ENAH: variants seen among roughly 807,000 people sequenced by gnomAD.
The protein encoded by ENAH is ENAH actin regulator, also known as protein enabled homolog.
Under a neutral mutation model 78.7 loss-of-function variants are expected in ENAH, and 23 were observed. That is an observed-to-expected ratio of 0.29 (90% CI 0.21 to 0.41). The LOEUF (loss-of-function observed/expected upper bound fraction) is 0.41, where lower values mean the gene tolerates loss of function less well. ENAH is among the 10% of genes least tolerant of loss of function. The pLI is 1.00. For synonymous variants in ENAH, 226 were observed against 241.0 expected (o/e 0.94, Z 0.58); for missense variants, 544 against 691.0 (o/e 0.79, Z 2.39).
At chr1:225,526,338 C>CT (rs34197889) in intron 4 of ENAH, among the ~76,000 whole-genome samples, 1,949 of 143,764 alleles carry the variant, frequency 0.014, 37 homozygotes, top group African/African-American at 0.038. Flanking sequence ...CTCTCTCTCT[C>CT]TTTTTTTTTT....
chr1:225,632,443 A>C (rs1163713372), intron 1 of ENAH, among the ~76,000 whole-genome samples: 1 of 151,128 alleles, frequency 6.6e-6, no homozygotes, highest in Non-Finnish European at 1.5e-5. Flanking sequence ...GGCTGCAGAG[A>C]GCCAAGATCA....
At chr1:225,645,342 T>C (rs1661765663) in intron 1 of ENAH, among the ~76,000 whole-genome samples, 1 of 152,208 alleles carries the variant, frequency 6.6e-6, no homozygotes, top group Non-Finnish European at 1.5e-5. Context: ...AATGCTTCCA[T>C]CTACGCTGTG....
At chr1:225,646,029 C>T (rs367671557) in intron 1 of ENAH, among the ~76,000 whole-genome samples, 1 of 152,098 alleles carries the variant, frequency 6.6e-6, no homozygotes, top group Non-Finnish European at 1.5e-5. Context: ...GAAAATTTAA[C>T]GGATATCTTG....
intron 1 of ENAH, among the ~76,000 whole-genome samples, chr1:225,598,414 G>C (rs17502961): frequency 0.043 from 6,492 of 151,832 alleles, 225 homozygotes; most frequent in South Asian, 0.1. Flanking sequence ...AAAGTATATC[G>C]ATAATTTAAA....
At chr1:225,562,590 A>AAAC (rs2096713078) in intron 2 of ENAH, among the ~76,000 whole-genome samples, 1 of 148,836 alleles carries the variant, frequency 6.7e-6, no homozygotes, top group African/African-American at 2.5e-5. Flanking sequence ...AAAAAAAAAA[A>AAAC]AAAAAAAAAA....
chr1:225,490,671 C>T lies in ENAH; in HGVS notation c.*7104G>A, dbSNP rs1445899866. 6.6e-6 allele frequency: 1 copy of T among 152,196 alleles called. No homozygotes were observed. The highest frequency in any genetic ancestry group is 2.4e-5 in the African/African-American group (1 of 41,444). 9.4% of individuals were successfully genotyped at this position (152,196 alleles called of 1,614,324 possible). On this transcript the variant is annotated 3_prime_UTR_variant, in exon 14 of 14. Coordinates refer to ENST00000366843, the MANE Select transcript of ENAH (RefSeq NM_018212.6). ...AGTCCTGACTCAGGCCTGAACCTCC[C>T]ATCCCTCTAGTAATAAAGAAGAAAG... is the stretch of plus-strand genomic sequence containing the variant.
intron 1 of ENAH, among the ~76,000 whole-genome samples, chr1:225,574,527 G>A (rs2096778270): frequency 6.6e-6 from 1 of 151,950 alleles, no homozygotes; most frequent in Admixed American, 6.6e-5. Context: ...GCTTGAACCT[G>A]GGAGGCAGAG....
intron 3 of ENAH, among the ~76,000 whole-genome samples, chr1:225,542,466 C>G (rs547579578): frequency 1.1e-4 from 16 of 152,326 alleles, no homozygotes; most frequent in Non-Finnish European, 1.0e-4. Context: ...TAAACAAAGA[C>G]AGCTGTCTCC....
chr1:225,557,703 C>T (rs2096673976), intron 2 of ENAH, among the ~76,000 whole-genome samples: 1 of 152,136 alleles, frequency 6.6e-6, no homozygotes. Context: ...TGCCTGTAAT[C>T]CCAGCTACTT....
intron 1 of ENAH, among the ~76,000 whole-genome samples, chr1:225,636,498 A>G (rs905814046): frequency 1.3e-5 from 2 of 151,654 alleles, no homozygotes; most frequent in African/African-American, 4.9e-5. Flanking sequence ...GTACAATATA[A>G]AATTGTTTAA....
intron 3 of ENAH, among the ~76,000 whole-genome samples, chr1:225,552,311 G>A (rs2096645182): frequency 6.6e-6 from 1 of 151,396 alleles, no homozygotes; most frequent in Non-Finnish European, 1.5e-5. Context: ...TAATTTTTTT[G>A]TATTTTTTAG....
chr1:225,622,702 A>C (rs1657210498), intron 1 of ENAH, among the ~76,000 whole-genome samples: 1 of 152,058 alleles, frequency 6.6e-6, no homozygotes, highest in African/African-American at 2.4e-5. Flanking sequence ...CACCTCTCAA[A>C]GCCCCTACCC....
chr1:225,602,100 A>T (rs1373942100), intron 1 of ENAH, among the ~76,000 whole-genome samples: 1 of 152,150 alleles, frequency 6.6e-6, no homozygotes, highest in Non-Finnish European at 1.5e-5. Flanking sequence ...ATCAAGAAAA[A>T]GACAAAGAAG....
chr1:225,626,949 G>A (rs1465642427), intron 1 of ENAH, among the ~76,000 whole-genome samples: 1 of 152,128 alleles, frequency 6.6e-6, no homozygotes, highest in African/African-American at 2.4e-5. Context: ...AAGAGGAATG[G>A]TATTTCACGA....
chr1:225,586,641 T>C (rs1475848510), intron 1 of ENAH, among the ~76,000 whole-genome samples: 3 of 151,776 alleles, frequency 2.0e-5, no homozygotes, highest in African/African-American at 2.4e-5. Context: ...CAAAGTAGGG[T>C]TTATTCCAGG....
Position 225,514,902 on chromosome 1 carries a change from TGAGA to T in ENAH, c.914-6_914-3del, listed in dbSNP as rs763184881. On this transcript the variant is annotated splice_region_variant and splice_polypyrimidine_tract_variant and intron_variant, in intron 6 of 13. Transcript: ENST00000366843. Reference sequence around the variant, plus strand: ...GTGCAAGTGGTCCCAAGACAATGCCTGAGAGAGAGAAATGTTAAGTAAGACCATC... The same window carrying T: ...GTGCAAGTGGTCCCAAGACAATGCCTGAGAGAAATGTTAAGTAAGACCATC... 1.9e-6 allele frequency: 3 copies of T among 1,609,814 alleles called. No homozygotes were observed. Among genetic ancestry groups the T allele is most frequent in the South Asian group, 1.1e-5 (1 of 90,508 alleles).
intron 1 of ENAH, among the ~76,000 whole-genome samples, chr1:225,636,149 T>C (rs541879832): frequency 3.9e-5 from 6 of 152,042 alleles, no homozygotes; most frequent in African/African-American, 1.2e-4. Flanking sequence ...AGGGGAAGAG[T>C]AGATGTGGAG....
intron 1 of ENAH, among the ~76,000 whole-genome samples, chr1:225,582,072 T>C (rs1360341406): frequency 6.6e-6 from 1 of 152,066 alleles, no homozygotes; most frequent in Non-Finnish European, 1.5e-5. Flanking sequence ...GACAGGATAA[T>C]GAGGGTCGTC....
At chr1:225,521,416 T>C (rs1324681653) in intron 4 of ENAH, among the ~76,000 whole-genome samples, 2 of 152,066 alleles carry the variant, frequency 1.3e-5, no homozygotes, top group East Asian at 1.9e-4. Flanking sequence ...CCCAGCACTT[T>C]GGGAGGCCGA....
Sources: allele counts gnomAD v4.1 joint callset (sites outside exome capture counted in the v4.1 genomes callset), GRCh38; gene constraint gnomAD v4.1.1; transcripts MANE v1.5; gene names NCBI Gene and HGNC (gene_info 2026-07-23, HGNC 2026-07-21).